The following ATXN1 variants were observed in gnomAD, a reference collection of about 807,000 sequenced individuals.
The protein encoded by ATXN1 is ataxin 1.
Under a neutral mutation model 56.4 loss-of-function variants are expected in ATXN1, and 8 were observed. The observed-to-expected ratio is 0.14, with a 90% confidence interval of 0.08 to 0.26. The LOEUF (loss-of-function observed/expected upper bound fraction) is 0.26. Ranked by LOEUF, ATXN1 falls within the 10% of genes least tolerant of loss-of-function variation. The pLI is 1.00. For missense variants in ATXN1, 987 were observed against 1,106.5 expected, an observed-to-expected ratio of 0.89 and a Z score of 1.53; for synonymous variants, 514 against 494.6, an observed-to-expected ratio of 1.04 and a Z score of -0.52.
intron 2 of ATXN1, among the ~76,000 whole-genome samples, chr6:16,714,391 C>A (rs1474011438): frequency 6.6e-6 from 1 of 152,116 alleles, no homozygotes; most frequent in Non-Finnish European, 1.5e-5. Flanking sequence ...AGAACAGCTA[C>A]CCAAAAAGAC....
chr6:16,596,788 T>C (rs999879824), intron 3 of ATXN1, among the ~76,000 whole-genome samples: 12 of 152,094 alleles, frequency 7.9e-5, no homozygotes, highest in Non-Finnish European at 1.6e-4. Flanking sequence ...AAAGGCAAGA[T>C]GGGTAGAAGG....
chr6:16,709,548 T>C (rs531740259), intron 2 of ATXN1, among the ~76,000 whole-genome samples: 77 of 152,166 alleles, frequency 5.1e-4, no homozygotes, highest in Non-Finnish European at 8.2e-4. Flanking sequence ...TACTTTATAA[T>C]GTTTTTAAAT....
At chr6:16,488,595 T>A (rs984519822) in intron 5 of ATXN1, among the ~76,000 whole-genome samples, 1 of 152,206 alleles carries the variant, frequency 6.6e-6, no homozygotes, top group Non-Finnish European at 1.5e-5. Flanking sequence ...TGGCTCAACT[T>A]AATTCTTCCA....
intron 5 of ATXN1, among the ~76,000 whole-genome samples, chr6:16,505,579 G>A (rs1278833260): frequency 1.3e-5 from 2 of 152,154 alleles, no homozygotes; most frequent in South Asian, 2.1e-4. Flanking sequence ...AAAAGAAGGG[G>A]CCTTAATAGG....
intron 4 of ATXN1, among the ~76,000 whole-genome samples, chr6:16,556,958 T>C (rs1444198121): frequency 6.6e-6 from 1 of 152,060 alleles, no homozygotes; most frequent in Non-Finnish European, 1.5e-5. Flanking sequence ...AGTAAAAAGG[T>C]ATCCCATATT....
intron 5 of ATXN1, among the ~76,000 whole-genome samples, chr6:16,497,602 G>A (rs945311803): frequency 6.6e-6 from 1 of 152,166 alleles, no homozygotes. Flanking sequence ...GCTGGGAAAC[G>A]CCGTGCAAGT....
At chr6:16,443,551 T>G (rs1759566859) in intron 6 of ATXN1, among the ~76,000 whole-genome samples, 1 of 152,152 alleles carries the variant, frequency 6.6e-6, no homozygotes, top group South Asian at 2.1e-4. Flanking sequence ...TCTAGCCCAG[T>G]GGACTAAAAA....
intron 6 of ATXN1, among the ~76,000 whole-genome samples, chr6:16,476,250 G>C (rs1760324667): frequency 6.6e-6 from 1 of 152,110 alleles, no homozygotes. Context: ...TATGCTTCCA[G>C]TTATTTACTG....
At position 16,371,477 on chromosome 6, in the gene ATXN1, T is replaced by A. The variant is rs535108721; in HGVS notation, c.-160-43007A>T. On this transcript the variant is annotated intron_variant, in intron 6 of 7. Transcript: ENST00000436367. ...TTTCAGCTGGTCAGATAAGAAGAAA[T>A]GTGATAGCAAAAGATATGCAAGATG... is the stretch of plus-strand genomic sequence containing the variant. Among the ~76,000 whole-genome samples, 3 of 152,240 alleles carry A rather than the reference T, an allele frequency of 2.0e-5. No individual in the cohort carries two copies. In the East Asian group the frequency reaches 5.8e-4, roughly 29 times the overall value.
intron 2 of ATXN1, among the ~76,000 whole-genome samples, chr6:16,717,659 A>G (rs746755248): frequency 1.3e-5 from 2 of 152,142 alleles, no homozygotes; most frequent in Non-Finnish European, 2.9e-5. Context: ...CTGCGGATTA[A>G]CATTCTGGCA....
rs59044073 is a variant in ATXN1, at chr6:16,444,115, C to CA, written c.-161+41856dup. On this transcript the variant is annotated intron_variant, in intron 6 of 7. Transcript: ENST00000436367. ...TGGGCGACAGAGCGAGGCTCCGTCT[C>CA]AAAAAAAAAAAAAAAAAGTACACAC... 2.7e-3 allele frequency among the ~76,000 whole-genome samples: 361 copies of CA among 131,342 alleles called. 3 individuals are homozygous for CA. Among genetic ancestry groups the CA allele is most frequent in the Non-Finnish European group, 4.7e-3 (287 of 60,478 alleles). The allele number at this position is 131,342 out of a possible 152,430, so 86.2% of individuals were successfully genotyped here. A position where few individuals can be genotyped will look rare whatever the true frequency, so the allele number is the denominator to read the frequency against.
intron 2 of ATXN1, among the ~76,000 whole-genome samples, chr6:16,724,270 G>A (rs933826858): frequency 7.9e-5 from 12 of 151,998 alleles, no homozygotes; most frequent in Non-Finnish European, 1.3e-4. Context: ...AGTATGAATC[G>A]AGAGAAAATT....
At chr6:16,437,301 T>C (rs1470258113) in intron 6 of ATXN1, among the ~76,000 whole-genome samples, 2 of 152,248 alleles carry the variant, frequency 1.3e-5, no homozygotes. Flanking sequence ...GTATCGGCTG[T>C]GGGTGGGAGT....
intron 2 of ATXN1, among the ~76,000 whole-genome samples, chr6:16,663,117 C>A (rs916126004): frequency 6.6e-6 from 1 of 151,746 alleles, no homozygotes; most frequent in Non-Finnish European, 1.5e-5. Context: ...GGATTACAGG[C>A]GTCCACCACC....
At chr6:16,602,643 G>T (rs1214560703) in intron 3 of ATXN1, among the ~76,000 whole-genome samples, 1 of 151,932 alleles carries the variant, frequency 6.6e-6, no homozygotes, top group African/African-American at 2.4e-5. Flanking sequence ...GTACAGATGG[G>T]GTTTCACCGT....
intron 4 of ATXN1, among the ~76,000 whole-genome samples, chr6:16,548,110 C>T (rs752433951): frequency 1.3e-5 from 2 of 152,130 alleles, no homozygotes; most frequent in Non-Finnish European, 2.9e-5. Flanking sequence ...TATTGCTTCC[C>T]GGCTACAAAC....
At chr6:16,639,902 C>G (rs1047534516) in intron 3 of ATXN1, among the ~76,000 whole-genome samples, 4 of 152,134 alleles carry the variant, frequency 2.6e-5, no homozygotes, top group Non-Finnish European at 5.9e-5. Flanking sequence ...TTCACCAATT[C>G]TCCAACAGTA....
intron 3 of ATXN1, among the ~76,000 whole-genome samples, chr6:16,621,219 T>C (rs766778264): frequency 2.6e-5 from 4 of 152,220 alleles, no homozygotes; most frequent in Non-Finnish European, 5.9e-5. Context: ...CAGTGGGTTA[T>C]TGCATCCTTC....
intron 6 of ATXN1, among the ~76,000 whole-genome samples, chr6:16,464,157 T>G (rs1448811349): frequency 6.6e-6 from 1 of 152,152 alleles, no homozygotes; most frequent in African/African-American, 2.4e-5. Flanking sequence ...CTTGAGGAAC[T>G]TTCCTGTCTT....
Sources: allele counts gnomAD v4.1 joint callset (sites outside exome capture counted in the v4.1 genomes callset), GRCh38; gene constraint gnomAD v4.1.1; transcripts MANE v1.5; gene names NCBI Gene and HGNC (gene_info 2026-07-23, HGNC 2026-07-21).